The following MYORG variants were observed in gnomAD, a reference collection of about 807,000 sequenced individuals.
The protein encoded by MYORG is alpha-galactosidase MYORG.
Under a neutral mutation model 49.8 loss-of-function variants are expected in MYORG, and 45 were observed. The observed-to-expected ratio is 0.90, with a 90% confidence interval of 0.71 to 1.16. The LOEUF is 1.16. Among genes scored for constraint, MYORG ranks in the 50% most tolerant of loss-of-function variants. The pLI, the probability that MYORG is intolerant of heterozygous loss-of-function variation, is 0.00. For synonymous variants in MYORG, 552 were observed against 462.9 expected, an observed-to-expected ratio of 1.19 and a Z score of -2.47; for missense variants, 1,110 against 1,026.5, an observed-to-expected ratio of 1.08 and a Z score of -1.11.
In MYORG at chr9:34,376,306, C is replaced by G. The variant is rs1026576940; in HGVS notation, c.-64+487G>C. Among the ~76,000 whole-genome samples the G allele has an allele frequency of 2.0e-5, 3 of 152,200 alleles. No individual in the cohort carries two copies. The highest frequency in any genetic ancestry group is 4.4e-5 in the Non-Finnish European group (3 of 68,034). ...TGGTGCCAGAGACCTCTGTAATCTGCCGCCTCCGCCAGGTGGAGTCTGGGC... is the reference window on the plus strand; with the variant it reads ...TGGTGCCAGAGACCTCTGTAATCTGGCGCCTCCGCCAGGTGGAGTCTGGGC... On this transcript the variant is annotated intron_variant, in intron 1 of 1. Coordinates refer to ENST00000297625, the MANE Select transcript of MYORG (RefSeq NM_020702.5). This position sits in a 1 kb window ranked among gnomAD's most constrained non-coding sequence, Gnocchi z 4.4.
At position 34,371,247 on chromosome 9, in the gene MYORG, C is replaced by A. The variant is rs1322363808; in HGVS notation, c.1697G>T (p.Gly566Val). The change falls in exon 2 of 2, where the codon GGC becomes GTC. Residue 566 changes from glycine to valine, a missense_variant. Physicochemically the swap from Gly to Val is moderately radical, Grantham distance 109. Transcript: ENST00000297625. Reference sequence around the variant, plus strand: ...GTAGAGCTCGCGCTCGGGCACATCGCCGCCGGCTGTCCGCTGGGGCACGGC... The same window carrying A: ...GTAGAGCTCGCGCTCGGGCACATCGACGCCGGCTGTCCGCTGGGGCACGGC... ...GNAVPQRTAG[G>V]DVPERELYIR... 1.2e-6 allele frequency: 2 copies of A among 1,608,154 alleles called. No homozygotes were observed. The highest frequency in any genetic ancestry group is 1.3e-5 in the African/African-American group (1 of 74,790).
Position 34,367,234 on chromosome 9 carries a change from C to T in MYORG, c.*3565G>A, listed in dbSNP as rs1233618899. On this transcript the variant is annotated 3_prime_UTR_variant, in exon 2 of 2. Coordinates refer to ENST00000297625, the MANE Select transcript of MYORG (RefSeq NM_020702.5). ...TTCAATTATCTCCCACCAGGTCCCT[C>T]CCACAATTATGGGAGCTACAATTTA... 6.6e-6 allele frequency: 1 copy of T among 152,250 alleles called. No individual in the cohort carries two copies. The allele number at this position is 152,250 out of a possible 1,614,324, so 9.4% of individuals were successfully genotyped here.
chr9:34,371,047 T>G lies in MYORG; in HGVS notation c.1897A>C (p.Ile633Leu). The G allele has an allele frequency of 6.2e-7, 1 of 1,612,848 alleles. No homozygotes were observed. Among genetic ancestry groups the G allele is most frequent in the Non-Finnish European group, 8.5e-7 (1 of 1,179,834 alleles). The change falls in exon 2 of 2, where the codon ATC becomes CTC. Residue 633 changes from isoleucine (I) to leucine (L), a missense_variant. Ile to Leu is a conservative substitution (Grantham distance 5, BLOSUM62 2). Transcript: ENST00000297625. ...GCAATCCACCAAAGGGGGCGCACGA[T>G]AGGGTCACCCGTGTCGGTGACCTCG... ...AGEVTDTGDPIVRPLWWIAPG... is the reference protein window; with the variant it reads ...AGEVTDTGDPLVRPLWWIAPG...
In MYORG at chr9:34,372,363, T is replaced by G; in HGVS notation, c.581A>C (p.Gln194Pro). The change falls in exon 2 of 2, where the codon CAA becomes CCA. Residue 194 changes from glutamine to proline, a missense_variant. Physicochemically the swap from Gln to Pro is moderately conservative, Grantham distance 76 (BLOSUM62 -1). Coordinates refer to ENST00000297625, the MANE Select transcript of MYORG (RefSeq NM_020702.5). ...GCCATCCAGGCGGATGGGCCAGTGTTGCGTCCTCATCTCGGCGCCACCATA... is the reference window on the plus strand; with the variant it reads ...GCCATCCAGGCGGATGGGCCAGTGTGGCGTCCTCATCTCGGCGCCACCATA... ...HWYGGAEMRTQHWPIRLDGQQ... is the reference protein window; with the variant it reads ...HWYGGAEMRTPHWPIRLDGQQ... The G allele has an allele frequency of 6.3e-7, 1 of 1,595,128 alleles. No individual in the cohort carries two copies. Among genetic ancestry groups the G allele is most frequent in the Non-Finnish European group, 8.5e-7 (1 of 1,172,300 alleles).
Position 34,376,729 on chromosome 9 carries a change from A to G in MYORG, c.-64+64T>C, listed in dbSNP as rs1245254938. 6.6e-6 allele frequency: 1 copy of G among 152,010 alleles called. No individual in the cohort carries two copies. Among genetic ancestry groups the G allele is most frequent in the Non-Finnish European group, 1.5e-5 (1 of 68,014 alleles). 9.4% of individuals were successfully genotyped at this position (152,010 alleles called of 1,614,324 possible). A position where few individuals can be genotyped will look rare whatever the true frequency, so the allele number is the denominator to read the frequency against. On this transcript the variant is annotated intron_variant, in intron 1 of 1. Transcript: ENST00000297625. The surrounding 1 kb of genome is among the most constrained non-coding windows in gnomAD (Gnocchi z 4.4). ...CTCCACCCATTCATCGGTGGGAGCG[A>G]AAGTTCAGGAATCGTGCTCCTTCAG...
intron 1 of MYORG, among the ~76,000 whole-genome samples, chr9:34,374,851 A>G (rs7037624): frequency 0.75 from 112,211 of 148,820 alleles, 42,885 homozygotes; most frequent in East Asian, 0.94. Flanking sequence ...GCAGTGAGCC[A>G]AGATTGTGCC....
At chr9:34,373,558 G>T (rs764979955) in intron 1 of MYORG, among the ~76,000 whole-genome samples, 5 of 152,054 alleles carry the variant, frequency 3.3e-5, no homozygotes, top group Admixed American at 6.5e-5. Flanking sequence ...GTTCAAGCGG[G>T]TCTCCTGCCT....
chr9:34,368,341 AG>A lies in MYORG; in HGVS notation c.*2457del, dbSNP rs953629222. Reference sequence around the variant, plus strand: ...CCTTGTTACTTATGCAAATTTCTGCAGGGGGCTTGAATTTATCCTCAGAAAA... The same window carrying A: ...CCTTGTTACTTATGCAAATTTCTGCAGGGGCTTGAATTTATCCTCAGAAAA... On this transcript the variant is annotated 3_prime_UTR_variant, in exon 2 of 2. Transcript: ENST00000297625. 5 of 152,234 alleles carry A rather than the reference AG, an allele frequency of 3.3e-5. No homozygotes were observed. Among genetic ancestry groups the A allele is most frequent in the Non-Finnish European group, 7.4e-5 (5 of 68,024 alleles). 9.4% of individuals were successfully genotyped at this position (152,234 alleles called of 1,614,324 possible).
Position 34,370,967 on chromosome 9 carries a change from C to G in MYORG, c.1977G>C (p.Thr659=), listed in dbSNP as rs199990841. ...RIDSQFLIGD[T]LLVAPVLEPG... is the part of the protein sequence containing the mutation. Reference sequence around the variant, plus strand: ...GCTCCAGCACCGGGGCCACAAGCAGCGTGTCCCCAATAAGGAACTGCGAGT... The same window carrying G: ...GCTCCAGCACCGGGGCCACAAGCAGGGTGTCCCCAATAAGGAACTGCGAGT... Residue 659 remains threonine, a synonymous_variant, in exon 2 of 2, where the codon ACG becomes ACC. Coordinates refer to ENST00000297625, the MANE Select transcript of MYORG (RefSeq NM_020702.5). The G allele has an allele frequency of 7.3e-4, 1,180 of 1,613,578 alleles. 3 individuals carry two copies. The highest frequency in any genetic ancestry group is 4.5e-3 in the Middle Eastern group (27 of 6,062).
rs779658130 is a variant in MYORG at position 34,371,666 on chromosome 9, CCACCAGCG to C, written c.1270_1277del (p.Arg424GlufsTer66). 1.9e-6 allele frequency: 3 copies of C among 1,607,472 alleles called. No individual in the cohort carries two copies. Among genetic ancestry groups the C allele is most frequent in the South Asian group, 1.1e-5 (1 of 90,582 alleles). The stretch of plus-strand genomic sequence containing the variant: ...AGTCTAGCACCGCGCCGATGCCGTT[CCACCAGCG>C]CACCAGCGCAGGTAACCGGCCCGTG... On this transcript the variant is annotated frameshift_variant, in exon 2 of 2. Coordinates refer to ENST00000297625, the MANE Select transcript of MYORG (RefSeq NM_020702.5). LOFTEE classifies it high-confidence loss of function.
chr9:34,376,838 C>T lies in MYORG; in HGVS notation c.-109G>A, dbSNP rs974898309. On this transcript the variant is annotated 5_prime_UTR_variant, in exon 1 of 2. Coordinates refer to ENST00000297625, the MANE Select transcript of MYORG (RefSeq NM_020702.5). This position sits in a 1 kb window ranked among gnomAD's most constrained non-coding sequence, Gnocchi z 4.4. Reference sequence around the variant, plus strand: ...CAGAAGCGGGGGTGAAAGAGCTTCCCGCCGATCCCCTGCGCTTGAACCAGA... The same window carrying T: ...CAGAAGCGGGGGTGAAAGAGCTTCCTGCCGATCCCCTGCGCTTGAACCAGA... 6.6e-6 allele frequency: 1 copy of T among 152,272 alleles called. No homozygotes were observed. Among genetic ancestry groups the T allele is most frequent in the Admixed American group, 6.5e-5 (1 of 15,288 alleles). 9.4% of individuals were successfully genotyped at this position (152,272 alleles called of 1,614,324 possible). A position where few individuals can be genotyped will look rare whatever the true frequency, so the allele number is the denominator to read the frequency against.
At chr9:34,373,030 A>C in intron 1 of MYORG, 24 bp from the exon 2 acceptor site, 1 of 1,453,716 alleles carries the variant, frequency 6.9e-7, no homozygotes, top group Non-Finnish European at 9.4e-7. Flanking sequence ...ACAGAGATGG[A>C]ACTGAGCTAT....
In MYORG at chr9:34,370,628, C is replaced by G; in HGVS notation, c.*171G>C. 4.0e-6 allele frequency: 5 copies of G among 1,240,806 alleles called. No homozygotes were observed. The highest frequency in any genetic ancestry group is 4.3e-6 in the Non-Finnish European group (4 of 919,960). The allele number at this position is 1,240,806 out of a possible 1,614,324, so 76.9% of individuals were successfully genotyped here. A position where few individuals can be genotyped will look rare whatever the true frequency, so the allele number is the denominator to read the frequency against. On this transcript the variant is annotated 3_prime_UTR_variant, in exon 2 of 2. Coordinates refer to ENST00000297625, the MANE Select transcript of MYORG (RefSeq NM_020702.5). ...GGAGCAGGAGATTGCTTCAGTGCCC[C>G]CTCCCTAGGCCCCACCTTCAGCAGC...
At position 34,368,838 on chromosome 9, in the gene MYORG, CACTCT is replaced by C. The variant is rs916088544; in HGVS notation, c.*1956_*1960del. 7.2e-5 allele frequency: 11 copies of C among 152,562 alleles called. No individual in the cohort carries two copies. Among genetic ancestry groups the C allele is most frequent in the African/African-American group, 2.7e-4 (11 of 41,438 alleles). The allele number at this position is 152,562 out of a possible 1,614,324, so 9.5% of individuals were successfully genotyped here. A position where few individuals can be genotyped will look rare whatever the true frequency, so the allele number is the denominator to read the frequency against. Reference sequence around the variant, plus strand: ...TTTTTGGGTATTTACAGCAGCGCCCCACTCTACTGGTACCAATTTACTGTATAGGT... The same window carrying C: ...TTTTTGGGTATTTACAGCAGCGCCCCACTGGTACCAATTTACTGTATAGGT... On this transcript the variant is annotated 3_prime_UTR_variant, in exon 2 of 2. Transcript: ENST00000297625.
rs1469373049 is a variant in MYORG at position 34,372,117 on chromosome 9, G to C, written c.827C>G (p.Ala276Gly). ...GCACACTCGGTAGCTCAGCTCTGGC[G>C]CTGCGGCGCGGCCGGCGGGTGGCTT... is the stretch of plus-strand genomic sequence containing the variant. ...PYKPPAGRAA[A>G]PELSYRVCVG... The change falls in exon 2 of 2, where the codon GCG becomes GGG. Residue 276 changes from alanine to glycine, a missense_variant. Physicochemically the swap from Ala to Gly is moderately conservative, Grantham distance 60 (BLOSUM62 0). Coordinates refer to ENST00000297625, the MANE Select transcript of MYORG (RefSeq NM_020702.5). 6.2e-7 allele frequency: 1 copy of C among 1,612,722 alleles called. No individual in the cohort carries two copies. The highest frequency in any genetic ancestry group is 8.5e-7 in the Non-Finnish European group (1 of 1,179,800).
chr9:34,373,778 T>G (rs1448857946), intron 1 of MYORG, among the ~76,000 whole-genome samples: 1 of 152,124 alleles, frequency 6.6e-6, no homozygotes, highest in African/African-American at 2.4e-5. Flanking sequence ...AACAGGGCGG[T>G]AGGCTAGCTT....
At position 34,372,769 on chromosome 9, in the gene MYORG, C is replaced by T. The variant is rs374091744; in HGVS notation, c.175G>A (p.Gly59Ser). The T allele has an allele frequency of 2.5e-6, 4 of 1,613,980 alleles. No homozygotes were observed. The highest frequency in any genetic ancestry group is 1.3e-5 in the African/African-American group (1 of 75,066). Residue 59 changes from glycine to serine, a missense_variant, in exon 2 of 2, where the codon GGC (glycine) becomes AGC (serine). By Grantham distance (56) the Gly-to-Ser change is moderately conservative. Coordinates refer to ENST00000297625, the MANE Select transcript of MYORG (RefSeq NM_020702.5). Reference protein sequence around the residue: ...KPSKDLKPLLGSAVLGLLLVL... With the variant: ...KPSKDLKPLLSSAVLGLLLVL... Reference sequence around the variant, plus strand: ...AGCAGCAGCCCCAGAACCGCGGAGCCCAGCAGCGGCTTCAGGTCTTTGGAA... The same window carrying T: ...AGCAGCAGCCCCAGAACCGCGGAGCTCAGCAGCGGCTTCAGGTCTTTGGAA...
rs1402439127 is a variant in MYORG, at chr9:34,372,442, G to A, written c.502C>T (p.Pro168Ser). 5 of 1,581,456 alleles carry A rather than the reference G, an allele frequency of 3.2e-6. No homozygotes were observed. Among genetic ancestry groups the A allele is most frequent in the Non-Finnish European group, 4.3e-6 (5 of 1,164,982 alleles). ...ATGGCGTGCTCCACGGCCCGGCCCG[G>A]CGCTGCCTCCTCCCAGCGCACGCGG... The part of the protein sequence containing the change: ...CYRVRWEEAA[P>S]GRAVEHAMFL... Residue 168 changes from proline (P) to serine (S), a missense_variant, in exon 2 of 2, where the codon CCG becomes TCG. Physicochemically the swap from Pro to Ser is moderately conservative, Grantham distance 74 (BLOSUM62 -1). Coordinates refer to ENST00000297625, the MANE Select transcript of MYORG (RefSeq NM_020702.5).
chr9:34,372,193 T>G lies in MYORG; in HGVS notation c.751A>C (p.Ser251Arg), dbSNP rs1820620357. 6.2e-7 allele frequency: 1 copy of G among 1,612,022 alleles called. No homozygotes were observed. Among genetic ancestry groups the G allele is most frequent in the African/African-American group, 1.3e-5 (1 of 74,932 alleles). Residue 251 changes from serine (S) to arginine (R), a missense_variant, in exon 2 of 2, where the codon AGC becomes CGC. Ser to Arg is a moderately radical substitution (Grantham distance 110). Transcript: ENST00000297625. ...DSVPFHLGWN[S>R]TERSLRLQAR... is the part of the protein sequence containing the mutation. ...TGAAGCCGCAGCGAGCGCTCCGTGCTGTTCCAGCCCAGGTGGAAGGGCACT... is the reference window on the plus strand; with the variant it reads ...TGAAGCCGCAGCGAGCGCTCCGTGCGGTTCCAGCCCAGGTGGAAGGGCACT...
Sources: gnomAD v4.1 joint callset for allele counts (sites outside exome capture counted in the v4.1 genomes callset) on GRCh38, gnomAD v4.1.1 for gene constraint, Gnocchi (gnomAD v3.1) non-coding constraint, MANE v1.5 for transcripts, NCBI Gene and HGNC (gene_info 2026-07-23, HGNC 2026-07-21) for gene names.